ZRANB3: variants seen among roughly 807,000 people sequenced by gnomAD.
ZRANB3 encodes the protein zinc finger RANBP2-type containing 3.
In ZRANB3, 125 loss-of-function variants were observed where a neutral mutation model predicts 133.8. That is an observed-to-expected ratio of 0.93 (90% CI 0.81 to 1.08). The LOEUF (loss-of-function observed/expected upper bound fraction) is 1.08. Among genes scored for constraint, ZRANB3 ranks in the 50% least tolerant of loss-of-function variants. The pLI, the probability that ZRANB3 is intolerant of heterozygous loss-of-function variation, is 0.00. For missense variants in ZRANB3, 1,229 were observed against 1,275.5 expected (o/e 0.96, Z 0.56); for synonymous variants, 387 against 432.7 (o/e 0.89, Z 1.31).
intron 3 of ZRANB3, among the ~76,000 whole-genome samples, chr2:135,367,155 T>C (rs553071103): frequency 6.6e-6 from 1 of 152,224 alleles, no homozygotes; most frequent in Non-Finnish European, 1.5e-5. Context: ...ATTTGCAAGT[T>C]GGTGCTCAGA....
chr2:135,523,365 T>C (rs1409793833), intron 1 of ZRANB3, among the ~76,000 whole-genome samples: 1 of 152,224 alleles, frequency 6.6e-6, no homozygotes, highest in Non-Finnish European at 1.5e-5. Flanking sequence ...AAATTTCCCT[T>C]AATACCACTT....
chr2:135,411,555 G>C (rs78454758), intron 2 of ZRANB3, among the ~76,000 whole-genome samples: 6,061 of 152,212 alleles, frequency 0.04, 136 homozygotes, highest in African/African-American at 0.048. Flanking sequence ...AGAAAATTTA[G>C]TATATATACA....
At chr2:135,502,998 T>C (rs1387620373) in intron 2 of ZRANB3, among the ~76,000 whole-genome samples, 1 of 152,212 alleles carries the variant, frequency 6.6e-6, no homozygotes, top group Non-Finnish European at 1.5e-5. Flanking sequence ...CACATATTAC[T>C]GGATTCCATT....
intron 8 of ZRANB3, among the ~76,000 whole-genome samples, chr2:135,291,753 AC>A (rs1681749876): frequency 9.5e-6 from 1 of 105,144 alleles, no homozygotes; most frequent in African/African-American, 3.7e-5. Flanking sequence ...CCCTTCCCCC[AC>A]CCCACAACAG....
At chr2:135,323,825 T>C (rs1683660484) in intron 6 of ZRANB3, among the ~76,000 whole-genome samples, 1 of 151,874 alleles carries the variant, frequency 6.6e-6, no homozygotes, top group Non-Finnish European at 1.5e-5. Context: ...TGGAGTGCAG[T>C]GGTTCGATCT....
intron 2 of ZRANB3, among the ~76,000 whole-genome samples, chr2:135,477,159 TTC>T (rs1283941918): frequency 1.3e-5 from 2 of 152,226 alleles, no homozygotes; most frequent in Non-Finnish European, 2.9e-5. Flanking sequence ...GTATGTCTTT[TTC>T]TCTGTTATGT....
chr2:135,341,688 A>T (rs1476700561), intron 6 of ZRANB3, among the ~76,000 whole-genome samples: 1 of 149,894 alleles, frequency 6.7e-6, no homozygotes, highest in African/African-American at 2.5e-5. Flanking sequence ...CCAGTAAGGA[A>T]TATTAATAAT....
At chr2:135,370,634 T>C (rs1214052678) in intron 3 of ZRANB3, among the ~76,000 whole-genome samples, 2 of 152,196 alleles carry the variant, frequency 1.3e-5, no homozygotes, top group East Asian at 3.9e-4. Context: ...AATGTTTCAG[T>C]ACAAAGAGTT....
Position 135,350,014 on chromosome 2 carries a change from T to C in ZRANB3, c.561A>G (p.Thr187=), listed in dbSNP as rs1311920672. 1.2e-6 allele frequency: 2 copies of C among 1,613,820 alleles called. No homozygotes were observed. Among genetic ancestry groups the C allele is most frequent in the Non-Finnish European group, 1.7e-6 (2 of 1,179,846 alleles). ...CAGGCCTTCCTAAAGCTGGTGTTCC[T>C]GTAAGAAGAATGGCTCGTCTGGCTT... ...VQKARRAILL[T]GTPALGRPEE... is the part of the protein sequence containing the mutation. Residue 187 remains threonine (T), a synonymous_variant, in exon 5 of 21, where the codon ACA becomes ACG. Transcript: ENST00000264159.
Position 135,199,697 on chromosome 2 carries a change from T to A in ZRANB3, c.*645A>T, listed in dbSNP as rs1454981241. On this transcript the variant is annotated 3_prime_UTR_variant, in exon 21 of 21. Transcript: ENST00000264159. ...TTATGTTTTCAGTTATTTAATAGTT[T>A]TAACAATTACTTTACACAGAACCCC... The A allele has an allele frequency of 1.3e-5, 2 of 152,216 alleles. No individual in the cohort carries two copies. Among genetic ancestry groups the A allele is most frequent in the African/African-American group, 4.8e-5 (2 of 41,448 alleles). 9.4% of individuals were successfully genotyped at this position (152,216 alleles called of 1,614,324 possible).
intron 8 of ZRANB3, among the ~76,000 whole-genome samples, chr2:135,279,244 C>T (rs923041413): frequency 3.3e-5 from 5 of 152,156 alleles, no homozygotes; most frequent in African/African-American, 1.2e-4. Flanking sequence ...AAAATACCTA[C>T]TTAAAATTCA....
At chr2:135,202,623 T>C in intron 20 of ZRANB3, 1 of 480,836 alleles carries the variant, frequency 2.1e-6, no homozygotes, top group Non-Finnish European at 3.6e-6. Flanking sequence ...GTCTTGGTCC[T>C]AGAATGAATG....
chr2:135,386,485 T>C (rs1686980267), intron 3 of ZRANB3, among the ~76,000 whole-genome samples: 1 of 152,194 alleles, frequency 6.6e-6, no homozygotes, highest in Non-Finnish European at 1.5e-5. Context: ...AGTGATCCCA[T>C]TACTGGGTAT....
chr2:135,209,421 G>C (rs1339090420), intron 17 of ZRANB3, among the ~76,000 whole-genome samples: 2 of 152,144 alleles, frequency 1.3e-5, no homozygotes, highest in African/African-American at 2.4e-5. Context: ...AGTTATAATA[G>C]TGTATCAGTG....
chr2:135,345,407 G>A (rs190902286), intron 6 of ZRANB3, 143 bp downstream of exon 6: 40 of 578,974 alleles, frequency 6.9e-5, no homozygotes, highest in African/African-American at 6.0e-4. Context: ...GGCAGAGATT[G>A]TAGTGAGCCA....
At chr2:135,361,930 G>A (rs1455884764) in intron 3 of ZRANB3, among the ~76,000 whole-genome samples, 1 of 152,114 alleles carries the variant, frequency 6.6e-6, no homozygotes, top group Non-Finnish European at 1.5e-5. Context: ...CGGGCACAGT[G>A]GCTCACGTCT....
At chr2:135,442,774 T>C (rs544578903) in intron 2 of ZRANB3, among the ~76,000 whole-genome samples, 4 of 152,234 alleles carry the variant, frequency 2.6e-5, no homozygotes, top group East Asian at 1.9e-4. Flanking sequence ...CTATTCACAA[T>C]AGCAAAGTCT....
intron 8 of ZRANB3, among the ~76,000 whole-genome samples, chr2:135,307,726 A>C (rs182784128): frequency 6.6e-6 from 1 of 152,272 alleles, no homozygotes; most frequent in Non-Finnish European, 1.5e-5. Flanking sequence ...TGATAGTTAC[A>C]TCCAGAATTG....
chr2:135,384,887 A>C (rs1686891601), intron 3 of ZRANB3, among the ~76,000 whole-genome samples: 1 of 152,216 alleles, frequency 6.6e-6, no homozygotes, highest in African/African-American at 2.4e-5. Flanking sequence ...AGCCAATATC[A>C]TACTGAATGG....
Sources: gnomAD v4.1 joint callset for allele counts (sites outside exome capture counted in the v4.1 genomes callset) on GRCh38, gnomAD v4.1.1 for gene constraint, MANE v1.5 for transcripts, NCBI Gene and HGNC (gene_info 2026-07-23, HGNC 2026-07-21) for gene names.